SYK: variants seen among roughly 807,000 people sequenced by gnomAD.
SYK encodes the protein spleen associated tyrosine kinase.
SYK carries 16 observed loss-of-function variants against 77.8 expected under a neutral mutation model. The ratio of observed to expected loss-of-function variants is 0.21; its 90% CI spans 0.14 to 0.31. SYK has a LOEUF of 0.31. Ranked by LOEUF, SYK falls within the 10% of genes least tolerant of loss-of-function variation. The pLI is 1.00. For synonymous variants in SYK, 312 were observed against 308.7 expected (o/e 1.01, Z -0.11); for missense variants, 529 against 814.4 (o/e 0.65, Z 4.26).
At chr9:90,885,906 G>A (rs1587921069) in intron 11 of SYK, among the ~76,000 whole-genome samples, 3 of 152,242 alleles carry the variant, frequency 2.0e-5, no homozygotes, top group African/African-American at 7.2e-5. Context: ...GAAAAATACT[G>A]CCACCCAAGG....
chr9:90,866,724 CAATT>C (rs908303562), intron 6 of SYK, among the ~76,000 whole-genome samples: 3 of 152,168 alleles, frequency 2.0e-5, no homozygotes, highest in Non-Finnish European at 2.9e-5. Flanking sequence ...GTGTACAACT[CAATT>C]AATTTCCACA....
intron 3 of SYK, among the ~76,000 whole-genome samples, chr9:90,850,932 A>T (rs920294311): frequency 1.3e-5 from 2 of 152,196 alleles, no homozygotes; most frequent in Non-Finnish European, 2.9e-5. Context: ...AATGCAGATG[A>T]TGGAAGCAGA....
chr9:90,816,980 G>A (rs987132801), intron 1 of SYK, among the ~76,000 whole-genome samples: 4 of 152,170 alleles, frequency 2.6e-5, no homozygotes, highest in Admixed American at 6.5e-5. Flanking sequence ...TGGCTATTGC[G>A]AATAGTGCTG....
chr9:90,873,288 T>G (rs964166690), intron 7 of SYK, among the ~76,000 whole-genome samples: 2 of 151,286 alleles, frequency 1.3e-5, no homozygotes, highest in African/African-American at 4.9e-5. Context: ...TCGTGGCCAG[T>G]GTTTGGGCAC....
chr9:90,807,393 C>T (rs554660610), intron 1 of SYK, among the ~76,000 whole-genome samples: 4 of 152,294 alleles, frequency 2.6e-5, no homozygotes, highest in South Asian at 4.2e-4. Context: ...TTTGTAGCTA[C>T]GGGTTGAGAG....
rs1350956020 is a variant in SYK, at chr9:90,895,377, G to T, written c.1836-151G>T. ...ACAGCCTTGTGGTCACCCTGGGGTG[G>T]GGGGCACAGGGACCACGCTGTGAGC... On this transcript the variant is annotated intron_variant, in intron 13 of 13. Coordinates refer to ENST00000375754, the MANE Select transcript of SYK (RefSeq NM_003177.7). The surrounding 1 kb of genome is among the most constrained non-coding windows in gnomAD (Gnocchi z 4.4). The T allele has an allele frequency of 4.1e-6, 3 of 724,180 alleles. No homozygotes were observed. The highest frequency in any genetic ancestry group is 3.2e-4 in the Middle Eastern group (1 of 3,096). The allele number at this position is 724,180 out of a possible 1,614,324, so 44.9% of individuals were successfully genotyped here. A position where few individuals can be genotyped will look rare whatever the true frequency, so the allele number is the denominator to read the frequency against.
At chr9:90,846,107 G>T (rs538566951) in intron 3 of SYK, among the ~76,000 whole-genome samples, 22 of 152,350 alleles carry the variant, frequency 1.4e-4, no homozygotes, top group Non-Finnish European at 2.8e-4. Context: ...TCATTAGAGG[G>T]TCTGTCTGAA....
rs192351963 is a variant in SYK at position 90,839,492 on chromosome 9, C to A, written c.-41-4366C>A. ...GGAGGTTGCTCCGGGTCTGCAGATG[C>A]TCCCCAAGACCCGACCACAGCCTGT... On this transcript the variant is annotated intron_variant, in intron 1 of 13. Transcript: ENST00000375754. Among the ~76,000 whole-genome samples, 686 of 152,246 alleles carry A rather than the reference C, an allele frequency of 4.5e-3. 3 individuals are homozygous for A. The highest frequency in any genetic ancestry group is 9.5e-3 in the South Asian group (46 of 4,826).
chr9:90,864,968 A>G (rs1382395726), intron 5 of SYK, 80 bp from the exon 6 acceptor site: 1 of 1,387,396 alleles, frequency 7.2e-7, no homozygotes, highest in Non-Finnish European at 1.0e-6. Context: ...TCCTGATCTC[A>G]TTGATTGATC....
In SYK at chr9:90,865,891, C is replaced by T. The variant is rs1411270847; in HGVS notation, c.846+794C>T. 3.1e-4 allele frequency among the ~76,000 whole-genome samples: 19 copies of T among 61,268 alleles called. 1 individual carries two copies. Among genetic ancestry groups the T allele is most frequent in the African/African-American group, 1.1e-3 (15 of 14,110 alleles). 40.2% of individuals were successfully genotyped at this position (61,268 alleles called of 152,430 possible). ...CTCTTTTCTTGGGGCTACATATGGC[C>T]TTTTTTTTTTTTTTTTTTTTTTTTT... is the stretch of plus-strand genomic sequence containing the variant. On this transcript the variant is annotated intron_variant, in intron 6 of 13. Transcript: ENST00000375754.
chr9:90,813,318 G>C (rs977947399), intron 1 of SYK, among the ~76,000 whole-genome samples: 7 of 152,032 alleles, frequency 4.6e-5, no homozygotes, highest in African/African-American at 9.7e-5. Flanking sequence ...CCCCACCCCA[G>C]CCACCTCCAT....
chr9:90,864,120 T>C (rs1308907160), intron 4 of SYK, among the ~76,000 whole-genome samples: 1 of 152,190 alleles, frequency 6.6e-6, no homozygotes, highest in Non-Finnish European at 1.5e-5. Context: ...CCTACCCAAC[T>C]CCAGGGCCCC....
chr9:90,874,210 C>G lies in SYK; in HGVS notation c.922C>G (p.Pro308Ala). ...TGTCCTTTATGTACTTTAGTCCTCCCCTGCCCAAGGGAACCGGCAAGAGAG... is the reference window on the plus strand; with the variant it reads ...TGTCCTTTATGTACTTTAGTCCTCCGCTGCCCAAGGGAACCGGCAAGAGAG... Reference protein sequence around the residue: ...FPKPGHRKSSPAQGNRQESTV... With the variant: ...FPKPGHRKSSAAQGNRQESTV... Residue 308 changes from proline (P) to alanine (A), a missense_variant, in exon 8 of 14, where the codon CCT (proline) becomes GCT (alanine). Transcript: ENST00000375754. The G allele has an allele frequency of 6.2e-7, 1 of 1,614,110 alleles. No homozygotes were observed. The highest frequency in any genetic ancestry group is 2.2e-5 in the East Asian group (1 of 44,880).
At chr9:90,891,337 C>T (rs1341022535) in intron 13 of SYK, among the ~76,000 whole-genome samples, 9 of 151,898 alleles carry the variant, frequency 5.9e-5, no homozygotes, top group East Asian at 5.8e-4. Context: ...TTAGTGGAGA[C>T]GGGGTTTCAC....
chr9:90,877,046 T>A (rs1827963667), intron 9 of SYK, among the ~76,000 whole-genome samples: 1 of 152,186 alleles, frequency 6.6e-6, no homozygotes, highest in Admixed American at 6.5e-5. Flanking sequence ...TTCTTCACCA[T>A]TCTTTTTATT....
At chr9:90,863,958 C>T (rs35726308) in intron 4 of SYK, among the ~76,000 whole-genome samples, 8,516 of 152,272 alleles carry the variant, frequency 0.056, 577 homozygotes, top group Admixed American at 0.2. Flanking sequence ...CCTGGTAGAT[C>T]ATAGCATTCA....
At chr9:90,845,403 G>A in intron 2 of SYK, 31 bp from the exon 3 acceptor site, 6 of 1,602,714 alleles carry the variant, frequency 3.7e-6, no homozygotes, top group Non-Finnish European at 5.1e-6. Flanking sequence ...TCCTCGGTAT[G>A]GTTTACTCTG....
Position 90,805,683 on chromosome 9 carries a change from A to G in SYK, c.-42+3790A>G, listed in dbSNP as rs116443281. ...ATAAATCTTTATTTTCCCATGGTCAACCTGGTAGTTTATTAATATTACATC... is the reference window on the plus strand; with the variant it reads ...ATAAATCTTTATTTTCCCATGGTCAGCCTGGTAGTTTATTAATATTACATC... On this transcript the variant is annotated intron_variant, in intron 1 of 13. Coordinates refer to ENST00000375754, the MANE Select transcript of SYK (RefSeq NM_003177.7). Among the ~76,000 whole-genome samples, 292 of 152,324 alleles carry G rather than the reference A, an allele frequency of 1.9e-3. 3 individuals are homozygous for G. Among genetic ancestry groups the G allele is most frequent in the African/African-American group, 6.7e-3 (277 of 41,568 alleles).
At position 90,897,960 on chromosome 9, in the gene SYK, G is replaced by T. The variant is rs1240617343; in HGVS notation, c.*2360G>T. Reference sequence around the variant, plus strand: ...ATTGAAGGATTGGTCATGTGAAAAGGGCTACATTTGGGAAGCTGGGAAAGG... The same window carrying T: ...ATTGAAGGATTGGTCATGTGAAAAGTGCTACATTTGGGAAGCTGGGAAAGG... On this transcript the variant is annotated 3_prime_UTR_variant, in exon 14 of 14. Transcript: ENST00000375754. 4.4e-6 allele frequency: 1 copy of T among 228,974 alleles called. No homozygotes were observed. The highest frequency in any genetic ancestry group is 2.2e-5 in the African/African-American group (1 of 45,100). 14.2% of individuals were successfully genotyped at this position (228,974 alleles called of 1,614,324 possible).
Sources: gnomAD v4.1 joint callset for allele counts (sites outside exome capture counted in the v4.1 genomes callset) on GRCh38, gnomAD v4.1.1 for gene constraint, Gnocchi (gnomAD v3.1) non-coding constraint, MANE v1.5 for transcripts, NCBI Gene and HGNC (gene_info 2026-07-23, HGNC 2026-07-21) for gene names.